The following WDR72 variants were observed in gnomAD, a reference collection of about 807,000 sequenced individuals.
The protein encoded by WDR72 is WD repeat-containing protein 72.
A neutral mutation model predicts 124.2 loss-of-function variants in WDR72; 120 were observed. The observed-to-expected ratio is 0.97, with a 90% confidence interval of 0.83 to 1.12. The LOEUF (loss-of-function observed/expected upper bound fraction) is 1.12. WDR72 is among the 50% of genes most tolerant of loss of function. The pLI is 0.00. For missense variants in WDR72, 1,387 were observed against 1,278.8 expected, an observed-to-expected ratio of 1.08 and a Z score of -1.29; for synonymous variants, 452 against 441.7, an observed-to-expected ratio of 1.02 and a Z score of -0.29.
chr15:53,691,648 T>C (rs58612900), intron 13 of WDR72, among the ~76,000 whole-genome samples: 39,353 of 134,678 alleles, frequency 0.29, 5,413 homozygotes, highest in Admixed American at 0.32. Context: ...GATAGATAGA[T>C]AGATAGATAG....
chr15:53,722,775 G>A (rs759208631), intron 3 of WDR72, 27 bp downstream of exon 3: 6 of 1,593,166 alleles, frequency 3.8e-6, no homozygotes, highest in East Asian at 2.2e-5. Flanking sequence ...AATGGAGAAG[G>A]GGACAAAGTT....
chr15:53,537,733 A>C (rs1012214979), intron 18 of WDR72, among the ~76,000 whole-genome samples: 2 of 152,210 alleles, frequency 1.3e-5, no homozygotes, highest in African/African-American at 4.8e-5. Context: ...ATATGCATAA[A>C]TGTAAATAAG....
At chr15:53,582,710 G>T (rs1206998470) in intron 18 of WDR72, among the ~76,000 whole-genome samples, 1 of 151,868 alleles carries the variant, frequency 6.6e-6, no homozygotes, top group Non-Finnish European at 1.5e-5. Flanking sequence ...GGAAATATTT[G>T]TAATATAAAC....
At chr15:53,699,970 T>C in intron 12 of WDR72, 25 bp from the exon 13 acceptor site, 1 of 1,613,878 alleles carries the variant, frequency 6.2e-7, no homozygotes, top group Non-Finnish European at 8.5e-7. Flanking sequence ...CATGCTTATG[T>C]AAGTAAATAG....
At chr15:53,664,065 G>A (rs753392005) in intron 14 of WDR72, among the ~76,000 whole-genome samples, 10 of 152,090 alleles carry the variant, frequency 6.6e-5, no homozygotes, top group Non-Finnish European at 1.2e-4. Context: ...GGAGTCTTAA[G>A]AAGAGAAATA....
At chr15:53,570,712 T>C (rs1017903448) in intron 18 of WDR72, among the ~76,000 whole-genome samples, 1 of 152,072 alleles carries the variant, frequency 6.6e-6, no homozygotes, top group Admixed American at 6.6e-5. Context: ...TATCATTCGA[T>C]CCATCAAACC....
chr15:53,625,677 T>A (rs1177344093), intron 14 of WDR72, among the ~76,000 whole-genome samples: 1 of 152,086 alleles, frequency 6.6e-6, no homozygotes, highest in Non-Finnish European at 1.5e-5. Flanking sequence ...GCCAAAATTA[T>A]TCCTCTACTA....
chr15:53,669,138 C>G (rs997780053), intron 13 of WDR72, among the ~76,000 whole-genome samples: 1 of 152,120 alleles, frequency 6.6e-6, no homozygotes, highest in Non-Finnish European at 1.5e-5. Context: ...CCCAGTACAG[C>G]TGTCTGTAGT....
chr15:53,712,222 C>T (rs1017008826), intron 7 of WDR72, among the ~76,000 whole-genome samples: 6 of 152,104 alleles, frequency 3.9e-5, no homozygotes, highest in East Asian at 1.9e-4. Context: ...TATATAATAT[C>T]TTGGGATACA....
chr15:53,613,476 G>A (rs1051736284), intron 16 of WDR72, among the ~76,000 whole-genome samples, 190 bp downstream of exon 16: 1 of 151,966 alleles, frequency 6.6e-6, no homozygotes, highest in Admixed American at 6.6e-5. Context: ...TCTAAATGAA[G>A]AAAGTAAGGC....
intron 3 of WDR72, among the ~76,000 whole-genome samples, chr15:53,722,388 T>C (rs1398540740): frequency 1.3e-5 from 2 of 152,194 alleles, no homozygotes; most frequent in African/African-American, 4.8e-5. Context: ...CTGTAACTAT[T>C]AAATTGTTTT....
At chr15:53,536,526 T>C (rs2140245079) in intron 18 of WDR72, among the ~76,000 whole-genome samples, 1 of 152,206 alleles carries the variant, frequency 6.6e-6, no homozygotes, top group East Asian at 1.9e-4. Flanking sequence ...TTCTGGTTAC[T>C]CTCCTACATC....
chr15:53,611,819 T>C (rs1162742545), intron 16 of WDR72, among the ~76,000 whole-genome samples: 2 of 152,062 alleles, frequency 1.3e-5, no homozygotes, highest in Non-Finnish European at 2.9e-5. Flanking sequence ...ATAATATATG[T>C]AAAACCATTA....
At chr15:53,674,583 TA>T (rs1372277493) in intron 13 of WDR72, among the ~76,000 whole-genome samples, 3 of 152,178 alleles carry the variant, frequency 2.0e-5, no homozygotes, top group African/African-American at 7.2e-5. Flanking sequence ...GAATGAGTCT[TA>T]AAACATTAAA....
At chr15:53,529,516 G>C (rs1892333532) in intron 18 of WDR72, among the ~76,000 whole-genome samples, 1 of 151,990 alleles carries the variant, frequency 6.6e-6, no homozygotes, top group South Asian at 2.1e-4. Context: ...CACTACACTA[G>C]TGTTGGAACT....
chr15:53,531,862 C>T (rs767678925), intron 18 of WDR72, among the ~76,000 whole-genome samples: 2 of 152,016 alleles, frequency 1.3e-5, no homozygotes, highest in Non-Finnish European at 2.9e-5. Context: ...TATAGTTTTA[C>T]ACATTGTTTG....
At chr15:53,643,347 G>A (rs2140415232) in intron 14 of WDR72, among the ~76,000 whole-genome samples, 1 of 152,164 alleles carries the variant, frequency 6.6e-6, no homozygotes, top group East Asian at 1.9e-4. Context: ...ACTGTTTGTT[G>A]AGAATACTTT....
chr15:53,735,631 G>A (rs376364354), intron 1 of WDR72, among the ~76,000 whole-genome samples: 1 of 150,206 alleles, frequency 6.7e-6, no homozygotes, highest in African/African-American at 2.5e-5. Flanking sequence ...AAGGCATTCT[G>A]AAAGACACTC....
chr15:53,618,048 T>C (rs1158626419), intron 14 of WDR72, among the ~76,000 whole-genome samples: 1 of 151,958 alleles, frequency 6.6e-6, no homozygotes, highest in Non-Finnish European at 1.5e-5. Flanking sequence ...TCTATACGTG[T>C]TATACATTTC....
Sources: allele counts gnomAD v4.1 joint callset (sites outside exome capture counted in the v4.1 genomes callset), GRCh38; gene constraint gnomAD v4.1.1; transcripts MANE v1.5; gene names NCBI Gene and HGNC (gene_info 2026-07-23, HGNC 2026-07-21).